The following POGLUT3 variants were observed in gnomAD, a reference collection of about 807,000 sequenced individuals.
POGLUT3 encodes the protein protein O-glucosyltransferase 3, also known as KDEL (Lys-Asp-Glu-Leu) containing 2.
POGLUT3 carries 48 observed loss-of-function variants against 54.3 expected under a neutral mutation model. The observed-to-expected ratio is 0.88, with a 90% CI of 0.70 to 1.12. The LOEUF (loss-of-function observed/expected upper bound fraction) is 1.12, where lower values mean the gene tolerates loss of function less well. Ranked by LOEUF, POGLUT3 falls within the 50% of genes most tolerant of loss-of-function variation. The pLI is 0.00. For missense variants in POGLUT3, 629 were observed against 618.7 expected, an observed-to-expected ratio of 1.02 and a Z score of -0.18; for synonymous variants, 218 against 237.4, an observed-to-expected ratio of 0.92 and a Z score of 0.75.
chr11:108,494,037 C>T (rs1279526645), intron 1 of POGLUT3, among the ~76,000 whole-genome samples: 1 of 152,082 alleles, frequency 6.6e-6, no homozygotes, highest in Non-Finnish European at 1.5e-5. Context: ...GGGCTTGAGA[C>T]TTTCATATGT....
In POGLUT3 at chr11:108,472,201, G is replaced by A. The variant is rs951223671; in HGVS notation, c.*2626C>T. On this transcript the variant is annotated 3_prime_UTR_variant, in exon 8 of 8. Transcript: ENST00000323468. ...AAAGTTCTAAACATAGATTTAAAAA[G>A]AGCAAAATGGAAAAAATATAAATAT... 1 of 151,948 alleles carries A rather than the reference G, an allele frequency of 6.6e-6. No individual in the cohort carries two copies. Among genetic ancestry groups the A allele is most frequent in the East Asian group, 1.9e-4 (1 of 5,190 alleles). The allele number at this position is 151,948 out of a possible 1,614,324, so 9.4% of individuals were successfully genotyped here.
chr11:108,480,807 T>G (rs1030412536), intron 5 of POGLUT3, among the ~76,000 whole-genome samples: 3 of 151,948 alleles, frequency 2.0e-5, no homozygotes, highest in Non-Finnish European at 4.4e-5. Context: ...TTTACATATA[T>G]GGAATTTATG....
At chr11:108,497,595 G>C (rs2093624407) in intron 1 of POGLUT3, among the ~76,000 whole-genome samples, 1 of 152,236 alleles carries the variant, frequency 6.6e-6, no homozygotes, top group Non-Finnish European at 1.5e-5. Flanking sequence ...TCCGTGGAGG[G>C]AAAACCGAAT....
intron 7 of POGLUT3, 77 bp from the exon 8 acceptor site, chr11:108,475,029 G>A (rs573473552): frequency 5.5e-6 from 8 of 1,457,296 alleles, no homozygotes; most frequent in African/African-American, 1.4e-5. Context: ...ACTCCCATCC[G>A]CAGTCACGCC....
In POGLUT3 at chr11:108,472,188, A is replaced by C. The variant is rs184087061; in HGVS notation, c.*2639T>G. ...AGTCCCAAGATATAAAGTTCTAAAC[A>C]TAGATTTAAAAAGAGCAAAATGGAA... On this transcript the variant is annotated 3_prime_UTR_variant, in exon 8 of 8. Coordinates refer to ENST00000323468, the MANE Select transcript of POGLUT3 (RefSeq NM_153705.5). 6.2e-4 allele frequency: 94 copies of C among 152,306 alleles called. 1 individual carries two copies. The East Asian group carries it at 0.018, about 29-fold the overall frequency. 9.4% of individuals were successfully genotyped at this position (152,306 alleles called of 1,614,324 possible).
chr11:108,476,625 A>C (rs1462882537), intron 7 of POGLUT3, among the ~76,000 whole-genome samples: 1 of 152,180 alleles, frequency 6.6e-6, no homozygotes, highest in Non-Finnish European at 1.5e-5. Flanking sequence ...GCCTACAGAA[A>C]AATAAATTTA....
chr11:108,486,697 C>A, intron 2 of POGLUT3: 1 of 442,486 alleles, frequency 2.3e-6, no homozygotes, highest in Admixed American at 3.7e-5. Context: ...AAATTCATCT[C>A]TAATAAGGTA....
chr11:108,475,086 G>T, intron 7 of POGLUT3, 134 bp from the exon 8 acceptor site: 1 of 833,984 alleles, frequency 1.2e-6, no homozygotes, highest in Non-Finnish European at 1.9e-6. Flanking sequence ...CAAAGGTCTG[G>T]TTTATTCCAG....
intron 6 of POGLUT3, chr11:108,478,110 T>C (rs1257452065): frequency 1.8e-5 from 3 of 169,686 alleles, no homozygotes; most frequent in Non-Finnish European, 2.5e-5. Context: ...ATCGTGCCAC[T>C]GCATTCCAGC....
chr11:108,490,644 C>T (rs936630226), intron 2 of POGLUT3, among the ~76,000 whole-genome samples: 1 of 151,886 alleles, frequency 6.6e-6, no homozygotes, highest in African/African-American at 2.4e-5. Context: ...GAATTCATCA[C>T]CAGCATTCTC....
chr11:108,498,151 C>A lies in POGLUT3; in HGVS notation c.202+14G>T, dbSNP rs748558984. ...CCGGCCGCGGGACGAGGGAGGCCGG[C>A]GGCTGGACACTACCTGCGGGAGAGC... On this transcript the variant is annotated intron_variant, in intron 1 of 7. Transcript: ENST00000323468. 10 of 1,500,264 alleles carry A rather than the reference C, an allele frequency of 6.7e-6. No individual in the cohort carries two copies. In the Admixed American group the frequency reaches 6.7e-5, roughly 10 times the overall value. The allele number at this position is 1,500,264 out of a possible 1,614,324, so 92.9% of individuals were successfully genotyped here.
At chr11:108,490,843 C>T (rs1265999076) in intron 2 of POGLUT3, 127 bp downstream of exon 2, 3 of 581,874 alleles carry the variant, frequency 5.2e-6, no homozygotes, top group Non-Finnish European at 9.0e-6. Context: ...TTAAATTGAG[C>T]TCCAGGAGGT....
chr11:108,492,722 G>C (rs1052204473), intron 1 of POGLUT3, among the ~76,000 whole-genome samples: 3 of 152,046 alleles, frequency 2.0e-5, no homozygotes, highest in Admixed American at 2.0e-4. Context: ...TAGGATCCTT[G>C]AAACAAGTAT....
rs534717230 is a variant in POGLUT3 at position 108,489,820 on chromosome 11, C to G, written c.400+1150G>C. 5.9e-5 allele frequency among the ~76,000 whole-genome samples: 9 copies of G among 152,284 alleles called. No individual in the cohort carries two copies. In the South Asian group the frequency reaches 1.9e-3, roughly 32 times the overall value. On this transcript the variant is annotated intron_variant, in intron 2 of 7. Transcript: ENST00000323468. ...AATTAGCTGGGCATGGTGGTATGTG[C>G]CTGCAGTCCTAGCTACTTGAGAGGC...
chr11:108,481,949 A>G, intron 4 of POGLUT3, 57 bp downstream of exon 4: 1 of 1,345,776 alleles, frequency 7.4e-7, no homozygotes, highest in Non-Finnish European at 1.1e-6. Flanking sequence ...TATATGTATA[A>G]CCCACTCTGT....
Position 108,474,357 on chromosome 11 carries a change from T to A in POGLUT3, c.*470A>T, listed in dbSNP as rs1044143755. 2 of 152,202 alleles carry A rather than the reference T, an allele frequency of 1.3e-5. No individual in the cohort carries two copies. The highest frequency in any genetic ancestry group is 4.8e-5 in the African/African-American group (2 of 41,444). 9.4% of individuals were successfully genotyped at this position (152,202 alleles called of 1,614,324 possible). A position where few individuals can be genotyped will look rare whatever the true frequency, so the allele number is the denominator to read the frequency against. ...AGGTTGAACATTCCTCATACAAAAATCTAAAATCTGAAATACCCCAAAATC... is the reference window on the plus strand; with the variant it reads ...AGGTTGAACATTCCTCATACAAAAAACTAAAATCTGAAATACCCCAAAATC... On this transcript the variant is annotated 3_prime_UTR_variant, in exon 8 of 8. Transcript: ENST00000323468.
intron 2 of POGLUT3, among the ~76,000 whole-genome samples, chr11:108,490,634 G>A (rs2093611366): frequency 6.6e-6 from 1 of 152,018 alleles, no homozygotes; most frequent in African/African-American, 2.4e-5. Context: ...AAAGCTGGAA[G>A]AATTCATCAC....
At chr11:108,495,685 G>A (rs2093621086) in intron 1 of POGLUT3, among the ~76,000 whole-genome samples, 1 of 151,982 alleles carries the variant, frequency 6.6e-6, no homozygotes. Flanking sequence ...TAGAGAAAGG[G>A]TCTTGCTATG....
At chr11:108,493,555 G>A (rs975200405) in intron 1 of POGLUT3, among the ~76,000 whole-genome samples, 6 of 152,026 alleles carry the variant, frequency 3.9e-5, no homozygotes, top group Admixed American at 2.0e-4. Flanking sequence ...CCTGTAATCC[G>A]AGCACTTTGG....
Sources: gnomAD v4.1 joint callset for allele counts (sites outside exome capture counted in the v4.1 genomes callset) on GRCh38, gnomAD v4.1.1 for gene constraint, MANE v1.5 for transcripts, NCBI Gene and HGNC (gene_info 2026-07-23, HGNC 2026-07-21) for gene names.